Variants in NXPE2 observed in about 807,000 individuals in gnomAD.
NXPE2 encodes the protein neurexophilin and PC-esterase domain family member 2, also known as NXPE family member 2.
In NXPE2, 34 loss-of-function variants were observed where a neutral mutation model predicts 34.4. The observed-to-expected ratio is 0.99, with a 90% confidence interval of 0.75 to 1.31. The LOEUF is 1.31. NXPE2 is among the 40% of genes most tolerant of loss of function. The pLI is 0.00. For missense variants in NXPE2, 649 were observed against 672.5 expected, an observed-to-expected ratio of 0.97 and a Z score of 0.39; for synonymous variants, 235 against 231.3, an observed-to-expected ratio of 1.02 and a Z score of -0.15.
the NXPE2 span, among the ~76,000 whole-genome samples, chr11:114,775,473 C>A: frequency 6.6e-6 from 1 of 152,196 alleles, no homozygotes; most frequent in Non-Finnish European, 1.5e-5. Flanking sequence ...TCTTGCATCT[C>A]CAAAGGGCTC....
the NXPE2 span, among the ~76,000 whole-genome samples, chr11:114,519,667 A>G: frequency 6.6e-6 from 1 of 152,170 alleles, no homozygotes; most frequent in Non-Finnish European, 1.5e-5. Flanking sequence ...CATTCTAGTC[A>G]GAAGGAGCAG....
the NXPE2 span, among the ~76,000 whole-genome samples, chr11:114,658,649 G>T: frequency 4.6e-5 from 7 of 152,118 alleles, no homozygotes; most frequent in Admixed American, 3.9e-4. Flanking sequence ...TTGGGAAAAT[G>T]GAAAAATAAT....
At chr11:114,590,169 G>T in the NXPE2 span, among the ~76,000 whole-genome samples, 2 of 152,294 alleles carry the variant, frequency 1.3e-5, no homozygotes, top group South Asian at 4.1e-4. Context: ...TCAGGTCAGG[G>T]TCTTGCAATA....
chr11:114,610,372 T>C, the NXPE2 span, among the ~76,000 whole-genome samples: 1 of 151,872 alleles, frequency 6.6e-6, no homozygotes, highest in Non-Finnish European at 1.5e-5. Flanking sequence ...CAGTTGATAA[T>C]AAATATTGCC....
chr11:114,805,528 A>G, the NXPE2 span, among the ~76,000 whole-genome samples: 5 of 152,226 alleles, frequency 3.3e-5, no homozygotes, highest in Admixed American at 1.3e-4. Context: ...AAAATGGCAT[A>G]CCAGGAGATT....
chr11:114,805,743 G>A, the NXPE2 span, among the ~76,000 whole-genome samples: 1 of 152,206 alleles, frequency 6.6e-6, no homozygotes, highest in African/African-American at 2.4e-5. Context: ...AGGCCTGCCT[G>A]CCTCTGTAGG....
the NXPE2 span, among the ~76,000 whole-genome samples, chr11:114,595,317 T>C: frequency 2.6e-5 from 4 of 152,178 alleles, no homozygotes; most frequent in Non-Finnish European, 5.9e-5. Context: ...CTTAAAAAAA[T>C]TTCAGGCTTT....
the NXPE2 span, among the ~76,000 whole-genome samples, chr11:114,544,105 G>T: frequency 3.3e-5 from 5 of 152,128 alleles, no homozygotes; most frequent in Admixed American, 2.6e-4. Flanking sequence ...AATGGAGAGA[G>T]ATTCCATGTT....
chr11:114,530,725 TG>T, the NXPE2 span: 4 of 1,614,046 alleles, frequency 2.5e-6, no homozygotes, highest in African/African-American at 5.3e-5. Context: ...GCACTGGTGG[TG>T]GTGTTCACAT....
the NXPE2 span, among the ~76,000 whole-genome samples, chr11:114,525,184 T>C: frequency 6.6e-6 from 1 of 151,936 alleles, no homozygotes; most frequent in Admixed American, 6.6e-5. Flanking sequence ...CTACTAAATG[T>C]TTCGAGAAAC....
the NXPE2 span, among the ~76,000 whole-genome samples, chr11:114,532,685 C>T: frequency 7.0e-4 from 106 of 152,140 alleles, 3 homozygotes; most frequent in South Asian, 0.022. Flanking sequence ...ATGGAGATGA[C>T]TTTTAAATTC....
At chr11:114,789,189 C>T in the NXPE2 span, among the ~76,000 whole-genome samples, 1 of 152,138 alleles carries the variant, frequency 6.6e-6, no homozygotes, top group African/African-American at 2.4e-5. Flanking sequence ...AGTTTTCTTA[C>T]CACAAAAAAT....
chr11:114,715,801 A>G, the NXPE2 span, among the ~76,000 whole-genome samples: 1 of 152,192 alleles, frequency 6.6e-6, no homozygotes, highest in African/African-American at 2.4e-5. Context: ...CCCTTCATAG[A>G]TGACCTCAGA....
the NXPE2 span, among the ~76,000 whole-genome samples, chr11:114,745,533 A>C: frequency 6.6e-6 from 1 of 152,232 alleles, no homozygotes; most frequent in African/African-American, 2.4e-5. Flanking sequence ...AGATTTCAAC[A>C]TGAGTCTTGA....
chr11:114,795,876 C>A, the NXPE2 span, among the ~76,000 whole-genome samples: 3 of 152,208 alleles, frequency 2.0e-5, no homozygotes, highest in Non-Finnish European at 4.4e-5. Context: ...AACTTCTCCC[C>A]AGGGATAGGT....
chr11:114,476,005 A>G, the NXPE2 span, among the ~76,000 whole-genome samples: 3 of 152,190 alleles, frequency 2.0e-5, no homozygotes, highest in Non-Finnish European at 4.4e-5. Flanking sequence ...TGATTTGTGG[A>G]CTGAAAAGCT....
chr11:114,647,902 A>G, the NXPE2 span, among the ~76,000 whole-genome samples: 1 of 152,066 alleles, frequency 6.6e-6, no homozygotes, highest in Admixed American at 6.6e-5. Context: ...AGGTTTCACC[A>G]TCTTGCCCAG....
chr11:114,587,026 A>C, the NXPE2 span, among the ~76,000 whole-genome samples: 2 of 152,076 alleles, frequency 1.3e-5, no homozygotes, highest in Non-Finnish European at 2.9e-5. Flanking sequence ...TTTCAAGGTC[A>C]ACAGCATCAC....
chr11:114,783,673 T>C, the NXPE2 span, among the ~76,000 whole-genome samples: 1 of 152,362 alleles, frequency 6.6e-6, no homozygotes, highest in East Asian at 1.9e-4. Flanking sequence ...ATCTTCTGTG[T>C]GTATAGAGGA....
Sources: gnomAD v4.1 joint callset for allele counts (sites outside exome capture counted in the v4.1 genomes callset) on GRCh38, gnomAD v4.1.1 for gene constraint, MANE v1.5 for transcripts, NCBI Gene and HGNC (gene_info 2026-07-23, HGNC 2026-07-21) for gene names.